Variants in TEX15 observed in about 807,000 individuals in gnomAD.
The protein encoded by TEX15 is testis-expressed protein 15.
Under a neutral mutation model 237.3 loss-of-function variants are expected in TEX15, and 171 were observed. The ratio of observed to expected loss-of-function variants is 0.72; its 90% CI spans 0.64 to 0.82. The LOEUF (loss-of-function observed/expected upper bound fraction) is 0.82, where lower values mean the gene tolerates loss of function less well. TEX15 is among the 40% of genes least tolerant of loss of function. TEX15 has a pLI of 0.00. For missense variants in TEX15, 3,750 were observed against 3,646.5 expected, an observed-to-expected ratio of 1.03 and a Z score of -0.73; for synonymous variants, 1,338 against 1,269.8, an observed-to-expected ratio of 1.05 and a Z score of -1.14.
intron 5 of TEX15, among the ~76,000 whole-genome samples, chr8:30,862,198 T>C (rs1808065630): frequency 1.3e-5 from 2 of 152,180 alleles, no homozygotes; most frequent in African/African-American, 4.8e-5. Flanking sequence ...CATTCGTGTG[T>C]GTAAAATGTA....
chr8:30,849,885 C>A (rs1173983360), intron 7 of TEX15, among the ~76,000 whole-genome samples: 1 of 151,724 alleles, frequency 6.6e-6, no homozygotes, highest in Non-Finnish European at 1.5e-5. Context: ...GGCAACAGAG[C>A]AAGACTCCAT....
chr8:30,885,001 C>T (rs989301532), intron 3 of TEX15, among the ~76,000 whole-genome samples: 16 of 152,090 alleles, frequency 1.1e-4, no homozygotes, highest in Admixed American at 2.0e-4. Context: ...TTTGCTTTAT[C>T]CTACAAATTT....
chr8:30,843,719 C>A lies in TEX15; in HGVS notation c.6448G>T (p.Val2150Phe), dbSNP rs1246098356. The A allele has an allele frequency of 6.2e-7, 1 of 1,610,436 alleles. No homozygotes were observed. The highest frequency in any genetic ancestry group is 1.3e-5 in the African/African-American group (1 of 74,710). ...CELQTYHDQL[V>F]ELLEETKREK... is the part of the protein sequence containing the mutation. Reference sequence around the variant, plus strand: ...CTTTTTGTTTCTTCAAGCAATTCAACTAATTGATCATGGTAAGTCTGTAAC... The same window carrying A: ...CTTTTTGTTTCTTCAAGCAATTCAAATAATTGATCATGGTAAGTCTGTAAC... Residue 2150 changes from valine (V) to phenylalanine (F), a missense_variant, in exon 8 of 11, where the codon GTT becomes TTT. Val to Phe is a conservative substitution (Grantham distance 50). Transcript: ENST00000643185.
intron 5 of TEX15, among the ~76,000 whole-genome samples, chr8:30,860,682 G>C (rs1425926246): frequency 3.3e-5 from 5 of 150,352 alleles, no homozygotes; most frequent in Non-Finnish European, 7.4e-5. Context: ...TCCTGCCTCA[G>C]TCTCCTGAAT....
intron 7 of TEX15, among the ~76,000 whole-genome samples, chr8:30,851,524 G>A (rs323350): frequency 0.36 from 54,248 of 151,758 alleles, 14,827 homozygotes; most frequent in African/African-American, 0.76. Context: ...CCAGGTACTC[G>A]GGAGGCTGAG....
intron 5 of TEX15, among the ~76,000 whole-genome samples, chr8:30,866,648 G>C (rs980758620): frequency 2.0e-5 from 3 of 151,706 alleles, no homozygotes; most frequent in Admixed American, 6.6e-5. Context: ...CATAATATAT[G>C]ATACTTTCAT....
chr8:30,833,713 TG>T (rs764073836), intron 10 of TEX15, among the ~76,000 whole-genome samples: 3 of 152,244 alleles, frequency 2.0e-5, no homozygotes, highest in Non-Finnish European at 2.9e-5. Context: ...ATGCAGTTCC[TG>T]TAAGTGTGAG....
At chr8:30,911,811 C>A (rs557383226) in intron 1 of TEX15, among the ~76,000 whole-genome samples, 3 of 152,158 alleles carry the variant, frequency 2.0e-5, no homozygotes, top group African/African-American at 7.2e-5. Context: ...GAAACTCAAC[C>A]CCGAGCGCGG....
At chr8:30,859,147 G>C (rs323359) in intron 6 of TEX15, among the ~76,000 whole-genome samples, 33,545 of 151,768 alleles carry the variant, frequency 0.22, 5,233 homozygotes, top group African/African-American at 0.43. Context: ...AAAAAATTAG[G>C]AAAATAACAA....
intron 4 of TEX15, among the ~76,000 whole-genome samples, chr8:30,873,345 A>G (rs1808333048): frequency 6.6e-6 from 1 of 152,160 alleles, no homozygotes; most frequent in Non-Finnish European, 1.5e-5. Flanking sequence ...CTAGGCCACA[A>G]AGTGATTCTT....
At chr8:30,902,736 C>T (rs941374322) in intron 1 of TEX15, among the ~76,000 whole-genome samples, 2 of 152,150 alleles carry the variant, frequency 1.3e-5, no homozygotes, top group African/African-American at 4.8e-5. Context: ...TTACTGGGTC[C>T]CACCTCCAGA....
At chr8:30,912,826 C>T (rs1375576381) in intron 1 of TEX15, 53 bp downstream of exon 1, 2 of 152,266 alleles carry the variant, frequency 1.3e-5, no homozygotes, top group African/African-American at 2.4e-5. Context: ...ATTTACCTCA[C>T]ACCAAACTAG....
rs1457918293 is a variant in TEX15, at chr8:30,875,005, C to T, written c.234G>A (p.Ser78=). The change falls in exon 4 of 11, where the codon TCG becomes TCA. Residue 78 remains serine (S), a synonymous_variant. Transcript: ENST00000643185. The part of the protein sequence containing the change: ...CRLDVNCDLQ[S]LWQFGDTKLV... Reference sequence around the variant, plus strand: ...GTTTTGTATCCCCAAACTGCCATAACGACTGCAGATCACAGTTTACATCAA... The same window carrying T: ...GTTTTGTATCCCCAAACTGCCATAATGACTGCAGATCACAGTTTACATCAA... 12 of 1,391,584 alleles carry T rather than the reference C, an allele frequency of 8.6e-6. No homozygotes were observed. The highest frequency in any genetic ancestry group is 5.3e-5 in the East Asian group (2 of 37,768). The allele number at this position is 1,391,584 out of a possible 1,614,324, so 86.2% of individuals were successfully genotyped here. A position where few individuals can be genotyped will look rare whatever the true frequency, so the allele number is the denominator to read the frequency against.
At chr8:30,861,262 T>G (rs1174623271) in intron 5 of TEX15, among the ~76,000 whole-genome samples, 1 of 152,118 alleles carries the variant, frequency 6.6e-6, no homozygotes, top group Non-Finnish European at 1.5e-5. Context: ...GAAAGAAACA[T>G]AGGCCAATAT....
At chr8:30,887,616 T>C (rs563098047) in intron 2 of TEX15, 1 of 171,616 alleles carries the variant, frequency 5.8e-6, no homozygotes, top group East Asian at 1.6e-4. Flanking sequence ...CTGGCCAACA[T>C]GGTGAAACTC....
At chr8:30,891,674 A>G (rs1808798677) in intron 2 of TEX15, among the ~76,000 whole-genome samples, 1 of 151,172 alleles carries the variant, frequency 6.6e-6, no homozygotes, top group Non-Finnish European at 1.5e-5. Flanking sequence ...GAGGTTCACC[A>G]TGTTGGCCAG....
At chr8:30,899,856 C>T (rs1288936073) in intron 1 of TEX15, among the ~76,000 whole-genome samples, 1 of 152,168 alleles carries the variant, frequency 6.6e-6, no homozygotes, top group African/African-American at 2.4e-5. Context: ...TTATAATGAG[C>T]TTTCATGTTC....
At chr8:30,858,230 A>C (rs760872253) in intron 7 of TEX15, among the ~76,000 whole-genome samples, 11 of 152,080 alleles carry the variant, frequency 7.2e-5, no homozygotes, top group South Asian at 2.1e-4. Context: ...AAATACCTGC[A>C]GTATGATTCT....
Position 30,887,078 on chromosome 8 carries a change from T to C in TEX15, c.136+89A>G, listed in dbSNP as rs1302879301. 4 of 1,203,884 alleles carry C rather than the reference T, an allele frequency of 3.3e-6. No homozygotes were observed. In the African/African-American group the frequency reaches 4.6e-5, roughly 14 times the overall value. 74.6% of individuals were successfully genotyped at this position (1,203,884 alleles called of 1,614,324 possible). On this transcript the variant is annotated intron_variant, in intron 3 of 10. Coordinates refer to ENST00000643185, the MANE Select transcript of TEX15 (RefSeq NM_001350162.2). ...AGACCTGAATTAACCTAATTTTATA[T>C]AGAGTCAAAATAAAAGATGAACATA...
Sources: allele counts gnomAD v4.1 joint callset (sites outside exome capture counted in the v4.1 genomes callset), GRCh38; gene constraint gnomAD v4.1.1; transcripts MANE v1.5; gene names NCBI Gene and HGNC (gene_info 2026-07-23, HGNC 2026-07-21).